Variants in IRS1 observed in about 807,000 individuals in gnomAD.
IRS1 encodes insulin receptor substrate 1.
In IRS1, 34 loss-of-function variants were observed where a neutral mutation model predicts 65.6. That is an observed-to-expected ratio of 0.52 (90% CI 0.39 to 0.69). The LOEUF (loss-of-function observed/expected upper bound fraction) is 0.69. Among genes scored for constraint, IRS1 ranks in the 30% least tolerant of loss-of-function variants. IRS1 has a pLI of 0.00. For missense variants in IRS1, 1,641 were observed against 1,720.2 expected (o/e 0.95, Z 0.81); for synonymous variants, 699 against 683.5 (o/e 1.02, Z -0.35).
At position 226,786,931 on chromosome 2, in the gene IRS1, C is replaced by T. The variant is rs554383105; in HGVS notation, c.*21+8058G>A. ...GCAGCCAGAAGCAAGCAAGGAACCA[C>T]AGTTCAAAGTGTTGGACCTTTTCTT... On this transcript the variant is annotated intron_variant, in intron 1 of 1. Transcript: ENST00000305123. Among the ~76,000 whole-genome samples the T allele has an allele frequency of 1.9e-3, 288 of 152,160 alleles. 3 individuals carry two copies. The highest frequency in any genetic ancestry group is 8.2e-3 in the Admixed American group (125 of 15,294).
intron 1 of IRS1, among the ~76,000 whole-genome samples, chr2:226,763,120 C>T (rs60256867): frequency 0.083 from 12,576 of 152,128 alleles, 928 homozygotes; most frequent in African/African-American, 0.2. Flanking sequence ...GTACCTCCAA[C>T]GGCAAGAAAG....
rs1224265520 is a variant in IRS1, at chr2:226,735,986, G to C, written c.*286C>G. 6.6e-6 allele frequency: 1 copy of C among 152,474 alleles called. No homozygotes were observed. Among genetic ancestry groups the C allele is most frequent in the Non-Finnish European group, 1.5e-5 (1 of 68,020 alleles). The allele number at this position is 152,474 out of a possible 1,614,324, so 9.4% of individuals were successfully genotyped here. ...ACATCAGCTCACTGTGGCCAGCTAAGTCCTTAAGGTTGAAGATGAAGTTTA... is the reference window on the plus strand; with the variant it reads ...ACATCAGCTCACTGTGGCCAGCTAACTCCTTAAGGTTGAAGATGAAGTTTA... On this transcript the variant is annotated 3_prime_UTR_variant, in exon 2 of 2. Transcript: ENST00000305123.
intron 1 of IRS1, among the ~76,000 whole-genome samples, chr2:226,786,286 A>G (rs916342499): frequency 6.6e-6 from 1 of 152,112 alleles, no homozygotes; most frequent in African/African-American, 2.4e-5. Flanking sequence ...GTCAAATGGT[A>G]TTTGATCACT....
chr2:226,742,726 A>AAAAAAAAAAAAAAAAAAG lies in IRS1; in HGVS notation c.*22-6477_*22-6476insCTTTTTTTTTTTTTTTTT, dbSNP rs1431863272. ...CACACGCATTATGAAAAAAAAAAAA[A>AAAAAAAAAAAAAAAAAAG]AGAAGACCGAAAGGCGACCATCAAG... On this transcript the variant is annotated intron_variant, in intron 1 of 1. Coordinates refer to ENST00000305123, the MANE Select transcript of IRS1 (RefSeq NM_005544.3). Among the ~76,000 whole-genome samples the AAAAAAAAAAAAAAAAAAG allele has an allele frequency of 1.4e-3, 211 of 147,796 alleles. 2 individuals carry two copies. Among genetic ancestry groups the AAAAAAAAAAAAAAAAAAG allele is most frequent in the East Asian group, 5.8e-3 (27 of 4,664 alleles).
In IRS1 at chr2:226,798,857, C is replaced by A; in HGVS notation, c.-119G>T. 6.5e-7 allele frequency: 1 copy of A among 1,532,340 alleles called. No individual in the cohort carries two copies. The highest frequency in any genetic ancestry group is 8.8e-7 in the Non-Finnish European group (1 of 1,137,630). 94.9% of individuals were successfully genotyped at this position (1,532,340 alleles called of 1,614,324 possible). On this transcript the variant is annotated 5_prime_UTR_variant, in exon 1 of 2. Coordinates refer to ENST00000305123, the MANE Select transcript of IRS1 (RefSeq NM_005544.3). This position sits in a 1 kb window ranked among gnomAD's most constrained non-coding sequence, Gnocchi z 9.4. Reference sequence around the variant, plus strand: ...AAACAGGGCTGGAGGCAGCAGAAACCCCGACTCTGAAATCCACGCCGCCCC... The same window carrying A: ...AAACAGGGCTGGAGGCAGCAGAAACACCGACTCTGAAATCCACGCCGCCCC...
At chr2:226,751,939 T>C (rs553269322) in intron 1 of IRS1, among the ~76,000 whole-genome samples, 1 of 152,258 alleles carries the variant, frequency 6.6e-6, no homozygotes, top group Non-Finnish European at 1.5e-5. Flanking sequence ...GGCCTGCAGT[T>C]ATAAAAAGCC....
intron 1 of IRS1, among the ~76,000 whole-genome samples, chr2:226,769,375 C>T (rs531987952): frequency 8.5e-5 from 13 of 152,186 alleles, no homozygotes; most frequent in Middle Eastern, 6.8e-3. Context: ...AATCAGTGAC[C>T]GGCAAGGAAA....
In IRS1 at chr2:226,795,587, G is replaced by A. The variant is rs373714010; in HGVS notation, c.3152C>T (p.Ala1051Val). The change falls in exon 1 of 2, where the codon GCA becomes GTA. Residue 1051 changes from alanine (A) to valine (V), a missense_variant. By Grantham distance (64) the Ala-to-Val change is moderately conservative. Around this residue, in one of 3 missense-constraint regions of IRS1, gnomAD observed 1,324 missense variants for 1,361.0 expected, o/e 0.97. Coordinates refer to ENST00000305123, the MANE Select transcript of IRS1 (RefSeq NM_005544.3). Reference protein sequence around the residue: ...SASPTGPQGAAELAAHSSLLG... With the variant: ...SASPTGPQGAVELAAHSSLLG... Reference sequence around the variant, plus strand: ...CAGGGACGAGTGGGCAGCCAGCTCTGCTGCCCCTTGAGGCCCAGTCGGGGA... The same window carrying A: ...CAGGGACGAGTGGGCAGCCAGCTCTACTGCCCCTTGAGGCCCAGTCGGGGA... 5 of 1,612,642 alleles carry A rather than the reference G, an allele frequency of 3.1e-6. No homozygotes were observed. Among genetic ancestry groups the A allele is most frequent in the Non-Finnish European group, 4.2e-6 (5 of 1,179,888 alleles).
rs1201985808 is a variant in IRS1 at position 226,735,554 on chromosome 2, G to A, written c.*718C>T. The A allele has an allele frequency of 6.6e-6, 1 of 152,546 alleles. No homozygotes were observed. Among genetic ancestry groups the A allele is most frequent in the Non-Finnish European group, 1.5e-5 (1 of 68,026 alleles). 9.4% of individuals were successfully genotyped at this position (152,546 alleles called of 1,614,324 possible). On this transcript the variant is annotated 3_prime_UTR_variant, in exon 2 of 2. Coordinates refer to ENST00000305123, the MANE Select transcript of IRS1 (RefSeq NM_005544.3). ...TCAACATCAGGTTTATATGACAAGA[G>A]ATAGTATCAGCAAATATAACTATAC... is the stretch of plus-strand genomic sequence containing the variant.
intron 1 of IRS1, among the ~76,000 whole-genome samples, chr2:226,766,962 C>T (rs534953929): frequency 2.3e-4 from 35 of 151,564 alleles, no homozygotes; most frequent in African/African-American, 8.2e-4. Flanking sequence ...TAATAAAAAA[C>T]ATCATTAAAA....
intron 1 of IRS1, among the ~76,000 whole-genome samples, chr2:226,737,998 G>A (rs1035616223): frequency 1.3e-5 from 2 of 152,146 alleles, no homozygotes; most frequent in Non-Finnish European, 2.9e-5. Flanking sequence ...TGGCTTCACT[G>A]GACCCCAAGA....
intron 1 of IRS1, among the ~76,000 whole-genome samples, chr2:226,760,427 A>G (rs1342720607): frequency 3.9e-5 from 6 of 152,204 alleles, no homozygotes; most frequent in Admixed American, 3.9e-4. Context: ...TAAAATGTCA[A>G]TACAAGAGGA....
intron 1 of IRS1, among the ~76,000 whole-genome samples, chr2:226,786,730 C>T (rs17508368): frequency 0.11 from 14,898 of 129,888 alleles, 962 homozygotes; most frequent in South Asian, 0.26. Flanking sequence ...TACAAAAATA[C>T]AGAGAAAAAA....
At chr2:226,792,994 T>C (rs909875361) in intron 1 of IRS1, among the ~76,000 whole-genome samples, 1 of 152,246 alleles carries the variant, frequency 6.6e-6, no homozygotes, top group Non-Finnish European at 1.5e-5. Context: ...TGGTCGATTG[T>C]TACTCCAGAA....
intron 1 of IRS1, among the ~76,000 whole-genome samples, chr2:226,750,179 G>A (rs1227295130): frequency 6.6e-6 from 1 of 151,440 alleles, no homozygotes; most frequent in Admixed American, 6.6e-5. Flanking sequence ...AACCCAGGAG[G>A]CGGAGGTTGC....
Position 226,798,717 on chromosome 2 carries a change from C to T in IRS1, c.22G>A (p.Asp8Asn). ...ACCTTGCGCACGTCCGAGAAGCCAT[C>T]GCTCTCCGGAGGGCTCGCCATGCTG... MASPPES[D>N]GFSDVRKVGY... The change falls in exon 1 of 2, where the codon GAT (aspartate) becomes AAT (asparagine). Residue 8 changes from aspartate to asparagine, a missense_variant. Around this residue, in one of 3 missense-constraint regions of IRS1, gnomAD observed 240 missense variants for 229.6 expected, o/e 1.05. Coordinates refer to ENST00000305123, the MANE Select transcript of IRS1 (RefSeq NM_005544.3). This position sits in a 1 kb window ranked among gnomAD's most constrained non-coding sequence, Gnocchi z 9.4. 1 of 1,612,414 alleles carries T rather than the reference C, an allele frequency of 6.2e-7. No individual in the cohort carries two copies. The highest frequency in any genetic ancestry group is 8.5e-7 in the Non-Finnish European group (1 of 1,179,742).
rs985293159 is a variant in IRS1, at chr2:226,760,821, A to G, written c.*22-24571T>C. On this transcript the variant is annotated intron_variant, in intron 1 of 1. Transcript: ENST00000305123. ...ATTATGTACTTTTATTAGACACCAA[A>G]CAATTCCTTATTGAAAAGATATTGC... 2.6e-5 allele frequency among the ~76,000 whole-genome samples: 4 copies of G among 152,220 alleles called. 1 individual carries two copies. The highest frequency in any genetic ancestry group is 4.4e-5 in the Non-Finnish European group (3 of 68,048).
Position 226,799,814 on chromosome 2 carries a change from A to G in IRS1, c.-1076T>C. On this transcript the variant is annotated 5_prime_UTR_variant, in exon 1 of 2. Coordinates refer to ENST00000305123, the MANE Select transcript of IRS1 (RefSeq NM_005544.3). The surrounding 1 kb of genome is among the most constrained non-coding windows in gnomAD (Gnocchi z 6.1). ...GAGCCTCCGCGCTCGGCAGCCGGGC[A>G]GCCGCCGCCGGGAGGCTCCCGCCCG... The G allele has an allele frequency of 1.8e-5, 18 of 987,618 alleles. No individual in the cohort carries two copies. Among genetic ancestry groups the G allele is most frequent in the Non-Finnish European group, 2.2e-5 (18 of 829,688 alleles). The allele number at this position is 987,618 out of a possible 1,614,324, so 61.2% of individuals were successfully genotyped here. A position where few individuals can be genotyped will look rare whatever the true frequency, so the allele number is the denominator to read the frequency against.
At chr2:226,761,920 C>T (rs375749508) in intron 1 of IRS1, among the ~76,000 whole-genome samples, 1 of 152,136 alleles carries the variant, frequency 6.6e-6, no homozygotes, top group Non-Finnish European at 1.5e-5. Flanking sequence ...TTAAACTGTT[C>T]CATTATTTTT....
Sources: allele counts gnomAD v4.1 joint callset (sites outside exome capture counted in the v4.1 genomes callset), GRCh38; gene constraint gnomAD v4.1.1; regional missense constraint gnomAD v4.1.1; non-coding constraint Gnocchi (gnomAD v3.1); transcripts MANE v1.5; gene names NCBI Gene and HGNC (gene_info 2026-07-23, HGNC 2026-07-21).